Variants in ESRRG observed in about 807,000 individuals in gnomAD.
ESRRG encodes estrogen related receptor gamma.
A neutral mutation model predicts 44.0 loss-of-function variants in ESRRG; 13 were observed. The observed-to-expected ratio is 0.30, with a 90% CI of 0.19 to 0.47. The LOEUF (loss-of-function observed/expected upper bound fraction) is 0.47, where lower values mean the gene tolerates loss of function less well. ESRRG is among the 20% of genes least tolerant of loss of function. ESRRG has a pLI of 1.00. For synonymous variants in ESRRG, 215 were observed against 214.6 expected (o/e 1.00, Z -0.02); for missense variants, 395 against 580.6 (o/e 0.68, Z 3.29).
chr1:216,639,057 G>A (rs2065871087), intron 3 of ESRRG, among the ~76,000 whole-genome samples: 1 of 152,132 alleles, frequency 6.6e-6, no homozygotes, highest in Admixed American at 6.5e-5. Flanking sequence ...ATATACTAAT[G>A]ATTATGATAA....
chr1:216,571,481 C>CA (rs2060802020), intron 3 of ESRRG, among the ~76,000 whole-genome samples: 1 of 152,044 alleles, frequency 6.6e-6, no homozygotes, highest in Admixed American at 6.6e-5. Flanking sequence ...AACAAACAAA[C>CA]AAAAAGTATT....
At chr1:216,769,140 A>G (rs1376609106) in intron 2 of ESRRG, among the ~76,000 whole-genome samples, 1 of 152,170 alleles carries the variant, frequency 6.6e-6, no homozygotes, top group Non-Finnish European at 1.5e-5. Context: ...TTCAGGAGAC[A>G]ATCAATTGAT....
chr1:216,546,727 A>T (rs1206110990), intron 5 of ESRRG, among the ~76,000 whole-genome samples: 2 of 151,976 alleles, frequency 1.3e-5, no homozygotes, highest in Non-Finnish European at 2.9e-5. Context: ...ACTAGTCTAC[A>T]TTAGTAATTT....
chr1:217,108,389 A>AT (rs2092623224), intron 1 of ESRRG, among the ~76,000 whole-genome samples: 1 of 152,064 alleles, frequency 6.6e-6, no homozygotes, highest in Non-Finnish European at 1.5e-5. Context: ...TGTGGGTATC[A>AT]TTTTCTTGTT....
intron 3 of ESRRG, among the ~76,000 whole-genome samples, chr1:216,622,573 T>C (rs1415975346): frequency 3.3e-5 from 5 of 151,576 alleles, no homozygotes; most frequent in African/African-American, 4.8e-5. Context: ...GTTTCTTCTT[T>C]TTATTAAGTA....
intron 3 of ESRRG, among the ~76,000 whole-genome samples, chr1:216,645,983 T>G (rs2067489645): frequency 6.6e-6 from 1 of 152,066 alleles, no homozygotes; most frequent in Non-Finnish European, 1.5e-5. Context: ...CCATTTTCTT[T>G]GGTGGGACAT....
At chr1:216,791,284 C>A (rs1005056808) in intron 2 of ESRRG, among the ~76,000 whole-genome samples, 1 of 151,884 alleles carries the variant, frequency 6.6e-6, no homozygotes, top group Admixed American at 6.6e-5. Context: ...GTGCGTGGCA[C>A]CTCCTTCCCC....
At chr1:217,006,990 T>C (rs1454465174) in intron 1 of ESRRG, among the ~76,000 whole-genome samples, 1 of 152,166 alleles carries the variant, frequency 6.6e-6, no homozygotes, top group African/African-American at 2.4e-5. Context: ...ATAAATCATA[T>C]CACCAGTTTA....
chr1:216,729,550 T>C (rs1296772332), intron 2 of ESRRG, among the ~76,000 whole-genome samples: 2 of 152,122 alleles, frequency 1.3e-5, no homozygotes, highest in African/African-American at 2.4e-5. Context: ...CTGCCACATA[T>C]ACATTGGCTG....
intron 2 of ESRRG, among the ~76,000 whole-genome samples, chr1:216,830,742 G>C (rs1577026729): frequency 6.6e-6 from 1 of 152,156 alleles, no homozygotes; most frequent in Middle Eastern, 3.4e-3. Context: ...AGCCAATGAG[G>C]AGTCAACTTA....
Position 216,797,514 on chromosome 1 carries a change from T to C in ESRRG, c.-13-120023A>G, listed in dbSNP as rs557910247. On this transcript the variant is annotated intron_variant, in intron 2 of 7. Coordinates refer to the ESRRG transcript ENST00000359162. ...AGATCCACTAACCCACATAGTCTGATAAATTCCTATTAGGAAAACACAGGT... is the reference window on the plus strand; with the variant it reads ...AGATCCACTAACCCACATAGTCTGACAAATTCCTATTAGGAAAACACAGGT... 1.2e-4 allele frequency among the ~76,000 whole-genome samples: 18 copies of C among 152,256 alleles called. No homozygotes were observed. In the East Asian group the frequency reaches 2.5e-3, roughly 21 times the overall value.
chr1:216,628,119 A>G (rs2150613935), intron 3 of ESRRG, among the ~76,000 whole-genome samples: 1 of 152,336 alleles, frequency 6.6e-6, no homozygotes, highest in South Asian at 2.1e-4. Flanking sequence ...ATGGATTTTT[A>G]GGTCTAGAAA....
chr1:216,753,921 T>G (rs2092271673), intron 2 of ESRRG, among the ~76,000 whole-genome samples: 1 of 152,012 alleles, frequency 6.6e-6, no homozygotes, highest in African/African-American at 2.4e-5. Flanking sequence ...ACCAGTGATC[T>G]TTCATGCAAC....
chr1:216,672,704 C>T (rs2075413990), intron 2 of ESRRG, among the ~76,000 whole-genome samples: 1 of 151,706 alleles, frequency 6.6e-6, no homozygotes, highest in African/African-American at 2.4e-5. Context: ...CCCGTCTCTA[C>T]AAAAGAGTGA....
rs186066644 is a variant in ESRRG at position 216,928,987 on chromosome 1, A to T, written c.-14+10595T>A. Among the ~76,000 whole-genome samples the T allele has an allele frequency of 3.9e-5, 6 of 152,308 alleles. No homozygotes were observed. In the East Asian group the frequency reaches 9.7e-4, roughly 25 times the overall value. Reference sequence around the variant, plus strand: ...GGGAATTATTGTTGAATAGGTACAGAGTTTCAATTTGAGATGATGAAAAAT... The same window carrying T: ...GGGAATTATTGTTGAATAGGTACAGTGTTTCAATTTGAGATGATGAAAAAT... On this transcript the variant is annotated intron_variant, in intron 2 of 7. Coordinates refer to the ESRRG transcript ENST00000359162.
chr1:216,912,038 G>T (rs1268785912), intron 2 of ESRRG, among the ~76,000 whole-genome samples: 1 of 150,830 alleles, frequency 6.6e-6, no homozygotes, highest in Non-Finnish European at 1.5e-5. Context: ...GGTCAAGGCT[G>T]CAGTGAGCTG....
intron 3 of ESRRG, among the ~76,000 whole-genome samples, chr1:216,576,977 T>G (rs2061794066): frequency 6.6e-6 from 1 of 151,998 alleles, no homozygotes; most frequent in Non-Finnish European, 1.5e-5. Flanking sequence ...AAACTGATGC[T>G]GACAAGCCTC....
chr1:216,993,363 C>G (rs2075984455), intron 1 of ESRRG, among the ~76,000 whole-genome samples: 1 of 152,202 alleles, frequency 6.6e-6, no homozygotes, highest in South Asian at 2.1e-4. Context: ...CCACTTCTCA[C>G]TTCACTTGCC....
chr1:216,540,434 A>G (rs1246385959), intron 5 of ESRRG, among the ~76,000 whole-genome samples: 1 of 152,022 alleles, frequency 6.6e-6, no homozygotes, highest in African/African-American at 2.4e-5. Context: ...TAATTTGTTG[A>G]GTATTCTATC....
Sources: gnomAD v4.1 joint callset for allele counts (sites outside exome capture counted in the v4.1 genomes callset) on GRCh38, gnomAD v4.1.1 for gene constraint, MANE v1.5 for transcripts, NCBI Gene and HGNC (gene_info 2026-07-23, HGNC 2026-07-21) for gene names.